The following ADGRB3 variants were observed in gnomAD, a reference collection of about 807,000 sequenced individuals.
The protein encoded by ADGRB3 is adhesion G protein-coupled receptor B3, also known as brain-specific angiogenesis inhibitor 3.
A neutral mutation model predicts 193.4 loss-of-function variants in ADGRB3; 37 were observed. That is an observed-to-expected ratio of 0.19 (90% CI 0.15 to 0.25). The LOEUF is 0.25. Ranked by LOEUF, ADGRB3 falls within the 10% of genes least tolerant of loss-of-function variation. ADGRB3 has a pLI of 1.00. For synonymous variants in ADGRB3, 690 were observed against 644.2 expected (o/e 1.07, Z -1.08); for missense variants, 1,637 against 1,852.9 (o/e 0.88, Z 2.14).
chr6:68,708,210 A>G (rs1022384579), intron 3 of ADGRB3, among the ~76,000 whole-genome samples: 1 of 152,210 alleles, frequency 6.6e-6, no homozygotes, highest in African/African-American at 2.4e-5. Context: ...AATAAAAATA[A>G]TAATAATAAA....
chr6:69,354,221 C>G lies in ADGRB3; in HGVS notation c.3460-12C>G. The G allele has an allele frequency of 6.3e-7, 1 of 1,599,100 alleles. No individual in the cohort carries two copies. Among genetic ancestry groups the G allele is most frequent in the Non-Finnish European group, 8.6e-7 (1 of 1,166,564 alleles). On this transcript the variant is annotated splice_polypyrimidine_tract_variant and intron_variant, in intron 26 of 31. Transcript: ENST00000370598. The stretch of plus-strand genomic sequence containing the variant: ...AGAGAGAAGAAAATTAATGTGTTCC[C>G]CCTCCCCACAGGTTCAGGATGCATT...
chr6:68,864,340 A>G (rs981020098), intron 3 of ADGRB3, among the ~76,000 whole-genome samples: 7 of 152,186 alleles, frequency 4.6e-5, no homozygotes, highest in Non-Finnish European at 8.8e-5. Context: ...TCCTGTAATA[A>G]AGGAACTTTC....
intron 17 of ADGRB3, among the ~76,000 whole-genome samples, chr6:69,191,465 A>C (rs1006576878): frequency 6.6e-6 from 1 of 152,154 alleles, no homozygotes; most frequent in Non-Finnish European, 1.5e-5. Context: ...GATATAGTGA[A>C]GTCAAGAAGT....
At chr6:68,824,344 G>T (rs973474396) in intron 3 of ADGRB3, among the ~76,000 whole-genome samples, 4 of 151,006 alleles carry the variant, frequency 2.6e-5, no homozygotes, top group Admixed American at 6.6e-5. Context: ...AAATTATAAT[G>T]ATTATGTTTC....
intron 3 of ADGRB3, among the ~76,000 whole-genome samples, chr6:68,921,494 T>C (rs1303383888): frequency 6.6e-6 from 1 of 152,172 alleles, no homozygotes; most frequent in African/African-American, 2.4e-5. Context: ...TACTGAAATA[T>C]GTCAGGATTA....
At chr6:69,226,653 A>G (rs1199713706) in intron 17 of ADGRB3, among the ~76,000 whole-genome samples, 5 of 152,252 alleles carry the variant, frequency 3.3e-5, no homozygotes, top group Non-Finnish European at 5.9e-5. Context: ...GTGGCTTAAA[A>G]CAACAACCAT....
chr6:69,065,724 T>C (rs1201511922), intron 16 of ADGRB3, among the ~76,000 whole-genome samples: 1 of 147,396 alleles, frequency 6.8e-6, no homozygotes, highest in African/African-American at 2.5e-5. Context: ...ATATGCAGAC[T>C]GAAATTTATT....
chr6:69,021,796 T>A (rs919943460), intron 13 of ADGRB3, among the ~76,000 whole-genome samples: 18 of 151,920 alleles, frequency 1.2e-4, no homozygotes, highest in Non-Finnish European at 1.9e-4. Context: ...CTTCTTTTTT[T>A]CTGAAAAATC....
At chr6:68,930,258 T>G (rs1389335787) in intron 3 of ADGRB3, among the ~76,000 whole-genome samples, 1 of 151,988 alleles carries the variant, frequency 6.6e-6, no homozygotes, top group Non-Finnish European at 1.5e-5. Context: ...GTGGTTGTAT[T>G]TTTTTCTTAT....
At chr6:69,253,182 G>C (rs946709150) in intron 20 of ADGRB3, among the ~76,000 whole-genome samples, 1 of 151,894 alleles carries the variant, frequency 6.6e-6, no homozygotes, top group Admixed American at 6.6e-5. Flanking sequence ...TACTACTATA[G>C]CTTTGTGTTA....
intron 11 of ADGRB3, among the ~76,000 whole-genome samples, chr6:68,996,179 C>T (rs1466573872): frequency 6.6e-6 from 1 of 151,896 alleles, no homozygotes; most frequent in Non-Finnish European, 1.5e-5. Flanking sequence ...ATTGAAATGC[C>T]ATCTTGACTT....
At position 68,980,381 on chromosome 6, in the gene ADGRB3, C is replaced by G. The variant is rs1419920537; in HGVS notation, c.1734+5041C>G. On this transcript the variant is annotated intron_variant, in intron 10 of 31. Coordinates refer to ENST00000370598, the MANE Select transcript of ADGRB3 (RefSeq NM_001704.3). The stretch of plus-strand genomic sequence containing the variant: ...AGAGAGACCAAGAGAGACAAAGAAA[C>G]TGAGACAAAGAGAAAGAGACAGAAA... Among the ~76,000 whole-genome samples, 8 of 151,442 alleles carry G rather than the reference C, an allele frequency of 5.3e-5. No homozygotes were observed. In the South Asian group the frequency reaches 1.7e-3, roughly 31 times the overall value.
chr6:69,048,358 C>G (rs1489665462), intron 14 of ADGRB3, 24 bp downstream of exon 14: 6 of 1,599,902 alleles, frequency 3.8e-6, no homozygotes, highest in Non-Finnish European at 5.1e-6. Flanking sequence ...ATAATATGAG[C>G]TTGAACAAGA....
chr6:69,006,532 G>A (rs1267560205), intron 11 of ADGRB3, among the ~76,000 whole-genome samples: 1 of 150,042 alleles, frequency 6.7e-6, no homozygotes, highest in Non-Finnish European at 1.5e-5. Context: ...TTAAGATGGA[G>A]TCTCGCTCTG....
rs368102281 is a variant in ADGRB3 at position 69,148,547 on chromosome 6, TTAAGA to T, written c.2480+72515_2480+72519del. 2.7e-4 allele frequency among the ~76,000 whole-genome samples: 41 copies of T among 152,284 alleles called. No individual in the cohort carries two copies. In the East Asian group the frequency reaches 3.1e-3, roughly 11 times the overall value. On this transcript the variant is annotated intron_variant, in intron 17 of 31. Transcript: ENST00000370598. ...TTGGTTCATCCTTTAGTCTTTCTAC[TTAAGA>T]TAAGAGTAATTTACACATTGCAGTT...
chr6:69,126,783 A>G (rs994560986), intron 17 of ADGRB3, among the ~76,000 whole-genome samples: 4 of 152,108 alleles, frequency 2.6e-5, no homozygotes, highest in African/African-American at 9.7e-5. Flanking sequence ...TAACCATCAC[A>G]CTTACCTTCC....
intron 15 of ADGRB3, among the ~76,000 whole-genome samples, chr6:69,057,379 A>G (rs546248962): frequency 6.6e-6 from 1 of 152,030 alleles, no homozygotes; most frequent in African/African-American, 2.4e-5. Context: ...TTCCTTTCCC[A>G]TTTGGATGCC....
At chr6:68,757,288 C>T (rs1766315031) in intron 3 of ADGRB3, among the ~76,000 whole-genome samples, 1 of 152,066 alleles carries the variant, frequency 6.6e-6, no homozygotes, top group African/African-American at 2.4e-5. Context: ...CTGTGTTTTG[C>T]TCACCAGCTA....
rs957640271 is a variant in ADGRB3, at chr6:69,300,103, A to G, written c.2815-24769A>G. On this transcript the variant is annotated intron_variant, in intron 20 of 31. Coordinates refer to ENST00000370598, the MANE Select transcript of ADGRB3 (RefSeq NM_001704.3). ...ACTAGTGAACTGAATTCAACAACACATTAAAAAATGATTCATCACAATCAA... is the reference window on the plus strand; with the variant it reads ...ACTAGTGAACTGAATTCAACAACACGTTAAAAAATGATTCATCACAATCAA... 7.2e-5 allele frequency among the ~76,000 whole-genome samples: 11 copies of G among 151,900 alleles called. 1 individual carries two copies. The highest frequency in any genetic ancestry group is 2.7e-4 in the African/African-American group (11 of 41,440).
Sources: allele counts gnomAD v4.1 joint callset (sites outside exome capture counted in the v4.1 genomes callset), GRCh38; gene constraint gnomAD v4.1.1; transcripts MANE v1.5; gene names NCBI Gene and HGNC (gene_info 2026-07-23, HGNC 2026-07-21).